Variants in KCNT2 observed in about 807,000 individuals in gnomAD.
KCNT2 encodes the protein potassium sodium-activated channel subfamily T member 2, also known as potassium channel subfamily T member 2.
A neutral mutation model predicts 153.8 loss-of-function variants in KCNT2; 67 were observed. The observed-to-expected ratio is 0.44, with a 90% CI of 0.36 to 0.53. KCNT2 has a LOEUF of 0.53. Ranked by LOEUF, KCNT2 falls within the 20% of genes least tolerant of loss-of-function variation. KCNT2 has a pLI of 0.00. For synonymous variants in KCNT2, 500 were observed against 458.8 expected (o/e 1.09, Z -1.15); for missense variants, 975 against 1,354.8 (o/e 0.72, Z 4.40).
chr1:196,302,237 T>C (rs1247675237), intron 22 of KCNT2, among the ~76,000 whole-genome samples: 1 of 152,158 alleles, frequency 6.6e-6, no homozygotes, highest in Non-Finnish European at 1.5e-5. Flanking sequence ...AGTTTTCTAA[T>C]CCTAAAAATC....
intron 16 of KCNT2, among the ~76,000 whole-genome samples, chr1:196,336,588 A>G (rs768408368): frequency 9.9e-5 from 15 of 152,152 alleles, no homozygotes; most frequent in Non-Finnish European, 1.9e-4. Flanking sequence ...AGACGTTTTA[A>G]GAACTGTCCA....
intron 13 of KCNT2, among the ~76,000 whole-genome samples, chr1:196,378,155 A>G (rs979251315): frequency 2.6e-5 from 4 of 152,192 alleles, no homozygotes; most frequent in Admixed American, 2.6e-4. Flanking sequence ...GGTTTAATTA[A>G]GGAATTTTAT....
intron 25 of KCNT2, among the ~76,000 whole-genome samples, chr1:196,260,763 T>A (rs1656937532): frequency 6.6e-6 from 1 of 151,796 alleles, no homozygotes. Flanking sequence ...CAAATTTGAG[T>A]TCTGTTTTGA....
At chr1:196,336,754 G>T (rs993159243) in intron 16 of KCNT2, among the ~76,000 whole-genome samples, 3 of 152,110 alleles carry the variant, frequency 2.0e-5, no homozygotes, top group Non-Finnish European at 4.4e-5. Flanking sequence ...CTTATGTTAC[G>T]ACCTATCAGT....
intron 27 of KCNT2, among the ~76,000 whole-genome samples, chr1:196,232,833 T>C (rs1654070668): frequency 6.6e-6 from 1 of 151,376 alleles, no homozygotes; most frequent in Non-Finnish European, 1.5e-5. Context: ...GAACATTCTG[T>C]CAAAAATAAT....
At chr1:196,529,393 AC>A (rs775580820) in intron 1 of KCNT2, among the ~76,000 whole-genome samples, 2 of 152,124 alleles carry the variant, frequency 1.3e-5, no homozygotes, top group Non-Finnish European at 2.9e-5. Context: ...ACCCTACAGT[AC>A]CTTTTTCTTG....
At chr1:196,286,636 C>CACAT (rs1425363044) in intron 22 of KCNT2, among the ~76,000 whole-genome samples, 2 of 138,936 alleles carry the variant, frequency 1.4e-5, no homozygotes, top group African/African-American at 3.1e-5. Flanking sequence ...CACACACACA[C>CACAT]ATACACACAC....
In KCNT2 at chr1:196,342,126, T is replaced by C; in HGVS notation, c.1506A>G (p.Glu502=). ...IVLEESTFFA[E]YEGKSFTYAS... ...CATATGTAAAACTCTTTCCTTCATATTCAGCAAAAAATGTACTTTCTTCCA... is the reference window on the plus strand; with the variant it reads ...CATATGTAAAACTCTTTCCTTCATACTCAGCAAAAAATGTACTTTCTTCCA... Residue 502 remains glutamate (E), a synonymous_variant, in exon 15 of 28, where the codon GAA becomes GAG. Coordinates refer to ENST00000294725, the MANE Select transcript of KCNT2 (RefSeq NM_198503.5). 1 of 1,611,644 alleles carries C rather than the reference T, an allele frequency of 6.2e-7. No homozygotes were observed. Among genetic ancestry groups the C allele is most frequent in the Non-Finnish European group, 8.5e-7 (1 of 1,178,828 alleles).
At chr1:196,327,928 T>A (rs545350180) in intron 18 of KCNT2, among the ~76,000 whole-genome samples, 1 of 151,952 alleles carries the variant, frequency 6.6e-6, no homozygotes, top group Non-Finnish European at 1.5e-5. Flanking sequence ...CGAGCCACCA[T>A]GCTCGGACAC....
At chr1:196,531,940 G>A (rs1485674802) in intron 1 of KCNT2, among the ~76,000 whole-genome samples, 1 of 151,996 alleles carries the variant, frequency 6.6e-6, no homozygotes, top group South Asian at 2.1e-4. Context: ...GTTTATCTGT[G>A]AGTCAGCTCT....
intron 1 of KCNT2, among the ~76,000 whole-genome samples, chr1:196,532,759 T>C (rs1655107786): frequency 6.6e-6 from 1 of 152,008 alleles, no homozygotes; most frequent in South Asian, 2.1e-4. Context: ...GGATGCCTAA[T>C]TGATAATGTT....
chr1:196,584,581 T>C (rs1662447173), intron 1 of KCNT2, among the ~76,000 whole-genome samples: 1 of 151,722 alleles, frequency 6.6e-6, no homozygotes, highest in South Asian at 2.1e-4. Flanking sequence ...ATCAACAGAG[T>C]ATGAGGATGA....
chr1:196,328,041 A>G (rs1664060327), intron 18 of KCNT2, among the ~76,000 whole-genome samples: 1 of 152,170 alleles, frequency 6.6e-6, no homozygotes, highest in Non-Finnish European at 1.5e-5. Flanking sequence ...CAAGATAACT[A>G]GACCCACAAA....
At chr1:196,492,686 G>A (rs1558004352) in intron 1 of KCNT2, among the ~76,000 whole-genome samples, 2 of 152,128 alleles carry the variant, frequency 1.3e-5, no homozygotes, top group Non-Finnish European at 2.9e-5. Context: ...TTTAATATGT[G>A]TGTTTGAAAT....
Position 196,281,899 on chromosome 1 carries a change from G to A in KCNT2, c.2781+374C>T, listed in dbSNP as rs572844368. Among the ~76,000 whole-genome samples, 341 of 151,666 alleles carry A rather than the reference G, an allele frequency of 2.2e-3. 2 individuals carry two copies. The highest frequency in any genetic ancestry group is 0.01 in the Middle Eastern group (3 of 292). ...CGAGTAGCTGGGACTACAGGGGCCCGCCACCACACCCAGCTAATTTTTTGT... is the reference window on the plus strand; with the variant it reads ...CGAGTAGCTGGGACTACAGGGGCCCACCACCACACCCAGCTAATTTTTTGT... On this transcript the variant is annotated intron_variant, in intron 24 of 27. Coordinates refer to ENST00000294725, the MANE Select transcript of KCNT2 (RefSeq NM_198503.5).
At position 196,447,680 on chromosome 1, in the gene KCNT2, G is replaced by A. The variant is rs531505028; in HGVS notation, c.638+17613C>T. 2.6e-5 allele frequency among the ~76,000 whole-genome samples: 4 copies of A among 151,548 alleles called. No individual in the cohort carries two copies. In the South Asian group the frequency reaches 8.3e-4, roughly 31 times the overall value. On this transcript the variant is annotated intron_variant, in intron 8 of 27. Transcript: ENST00000294725. ...GAATACTCAGTGTGAAGAAAGGGGA[G>A]GAGTCCAGATATGCCAAGTTTTTTT...
At chr1:196,321,647 A>T (rs1663325194) in intron 19 of KCNT2, among the ~76,000 whole-genome samples, 1 of 151,950 alleles carries the variant, frequency 6.6e-6, no homozygotes, top group Admixed American at 6.6e-5. Flanking sequence ...GCTATGTTAC[A>T]AGGTAAATGA....
At chr1:196,379,644 A>T (rs1002223365) in intron 13 of KCNT2, among the ~76,000 whole-genome samples, 6 of 151,850 alleles carry the variant, frequency 4.0e-5, no homozygotes, top group Admixed American at 1.3e-4. Context: ...TACAAGATAT[A>T]TGTACATGCA....
chr1:196,591,922 T>C (rs1432965620), intron 1 of KCNT2, among the ~76,000 whole-genome samples: 1 of 152,164 alleles, frequency 6.6e-6, no homozygotes, highest in East Asian at 1.9e-4. Context: ...TTAATTAGTG[T>C]TTATAGGCAT....
Sources: allele counts gnomAD v4.1 joint callset (sites outside exome capture counted in the v4.1 genomes callset), GRCh38; gene constraint gnomAD v4.1.1; transcripts MANE v1.5; gene names NCBI Gene and HGNC (gene_info 2026-07-23, HGNC 2026-07-21).